Variants in PSMB7 observed in about 807,000 individuals in gnomAD.
PSMB7 encodes proteasome subunit beta type-7.
A neutral mutation model predicts 28.1 loss-of-function variants in PSMB7; 5 were observed. The ratio of observed to expected loss-of-function variants is 0.18; its 90% confidence interval spans 0.09 to 0.37. The LOEUF is 0.37. Ranked by LOEUF, PSMB7 falls within the 10% of genes least tolerant of loss-of-function variation. The pLI is 1.00. For synonymous variants in PSMB7, 122 were observed against 123.7 expected, an observed-to-expected ratio of 0.99 and a Z score of 0.09; for missense variants, 275 against 346.2, an observed-to-expected ratio of 0.79 and a Z score of 1.63.
At chr9:124,415,002 G>T in intron 1 of PSMB7, 67 bp from the exon 2 acceptor site, 2 of 1,079,592 alleles carry the variant, frequency 1.9e-6, no homozygotes, top group Non-Finnish European at 2.7e-6. Context: ...GGCATGAAAA[G>T]TGCCTAACAG....
intron 5 of PSMB7, among the ~76,000 whole-genome samples, chr9:124,396,430 C>A (rs957751498): frequency 5.9e-5 from 9 of 152,162 alleles, no homozygotes; most frequent in Non-Finnish European, 1.2e-4. Flanking sequence ...ATTCTTCTGC[C>A]CACAAGGTGA....
intron 7 of PSMB7, among the ~76,000 whole-genome samples, chr9:124,355,498 C>T (rs1367232594): frequency 6.6e-6 from 1 of 152,174 alleles, no homozygotes; most frequent in African/African-American, 2.4e-5. Flanking sequence ...CCATTCCCTA[C>T]CCCATCACCG....
At chr9:124,378,559 G>C (rs1019617397) in intron 6 of PSMB7, among the ~76,000 whole-genome samples, 1 of 152,132 alleles carries the variant, frequency 6.6e-6, no homozygotes, top group Non-Finnish European at 1.5e-5. Context: ...AGCAGCCCTC[G>C]CAAGATATTC....
intron 5 of PSMB7, among the ~76,000 whole-genome samples, chr9:124,393,173 C>A (rs1830807495): frequency 6.6e-6 from 1 of 152,180 alleles, no homozygotes; most frequent in Non-Finnish European, 1.5e-5. Context: ...AGGCGGGCAC[C>A]AGGGGACCAT....
chr9:124,385,270 G>C (rs2131162588), intron 5 of PSMB7, among the ~76,000 whole-genome samples: 1 of 152,352 alleles, frequency 6.6e-6, no homozygotes, highest in Admixed American at 6.5e-5. Context: ...AAGAGTAACA[G>C]CTGAATAGAC....
intron 5 of PSMB7, among the ~76,000 whole-genome samples, chr9:124,397,145 T>C (rs1271417030): frequency 2.6e-5 from 4 of 152,214 alleles, no homozygotes; most frequent in African/African-American, 9.6e-5. Flanking sequence ...TCCTTACTTG[T>C]GGTTCAAGTA....
chr9:124,413,065 C>T (rs1256992216), intron 3 of PSMB7, among the ~76,000 whole-genome samples: 1 of 143,662 alleles, frequency 7.0e-6, no homozygotes, highest in Non-Finnish European at 1.5e-5. Flanking sequence ...CCTGTAATCC[C>T]AGCACTATGT....
chr9:124,356,859 G>A lies in PSMB7; in HGVS notation c.627C>T (p.Asp209=), dbSNP rs764501542. 39 of 1,614,044 alleles carry A rather than the reference G, an allele frequency of 2.4e-5. No homozygotes were observed. In the South Asian group the frequency reaches 3.1e-4, roughly 13 times the overall value. The part of the protein sequence containing the change: ...SEAIAAGIFN[D]LGSGSNIDLC... Reference sequence around the variant, plus strand: ...GGTCAATGTTGCTTCCGGAGCCCAGGTCGTTGAAGATGCCAGCTGCGATGG... The same window carrying A: ...GGTCAATGTTGCTTCCGGAGCCCAGATCGTTGAAGATGCCAGCTGCGATGG... Residue 209 remains aspartate, a synonymous_variant, in exon 7 of 8, where the codon GAC becomes GAT. Transcript: ENST00000259457. This position sits in a 1 kb window ranked among gnomAD's most constrained non-coding sequence, Gnocchi z 4.4.
In PSMB7 at chr9:124,356,671, A is replaced by T; in HGVS notation, c.722+93T>A. 1 of 1,404,120 alleles carries T rather than the reference A, an allele frequency of 7.1e-7. No individual in the cohort carries two copies. The highest frequency in any genetic ancestry group is 9.7e-7 in the Non-Finnish European group (1 of 1,027,198). 87.0% of individuals were successfully genotyped at this position (1,404,120 alleles called of 1,614,324 possible). ...AACACTGGATGTACTTAATGTGGAA[A>T]GAACCAGGAAAACTCCATCCAGATG... On this transcript the variant is annotated intron_variant, in intron 7 of 7. Coordinates refer to ENST00000259457, the MANE Select transcript of PSMB7 (RefSeq NM_002799.4). The surrounding 1 kb of genome is among the most constrained non-coding windows in gnomAD (Gnocchi z 4.4).
chr9:124,414,574 T>G (rs1831065612), intron 2 of PSMB7, among the ~76,000 whole-genome samples: 1 of 151,096 alleles, frequency 6.6e-6, no homozygotes, highest in Admixed American at 6.6e-5. Flanking sequence ...ATACTTCAGC[T>G]TCCTAAACTA....
chr9:124,414,012 A>C lies in PSMB7; in HGVS notation c.157-7T>G. The C allele has an allele frequency of 6.3e-7, 1 of 1,592,226 alleles. No homozygotes were observed. The highest frequency in any genetic ancestry group is 8.6e-7 in the Non-Finnish European group (1 of 1,167,440). On this transcript the variant is annotated splice_region_variant and splice_polypyrimidine_tract_variant and intron_variant, in intron 2 of 7. Coordinates refer to ENST00000259457, the MANE Select transcript of PSMB7 (RefSeq NM_002799.4). Reference sequence around the variant, plus strand: ...CTCCAAGAACTATGCCATCCTATTAAAAAAAAAAGTTTTTAAACAATTTTA... The same window carrying C: ...CTCCAAGAACTATGCCATCCTATTACAAAAAAAAGTTTTTAAACAATTTTA...
At chr9:124,395,291 C>A (rs1830828005) in intron 5 of PSMB7, among the ~76,000 whole-genome samples, 1 of 151,722 alleles carries the variant, frequency 6.6e-6, no homozygotes, top group Non-Finnish European at 1.5e-5. Flanking sequence ...TCCAGACCAG[C>A]CCGAAAAACA....
At chr9:124,377,710 C>T (rs1362776294) in intron 6 of PSMB7, among the ~76,000 whole-genome samples, 5 of 152,200 alleles carry the variant, frequency 3.3e-5, no homozygotes, top group Non-Finnish European at 5.9e-5. Flanking sequence ...TCTCTAGAGG[C>T]CAACACTTGC....
intron 6 of PSMB7, among the ~76,000 whole-genome samples, chr9:124,368,772 A>G (rs1016476281): frequency 6.6e-6 from 1 of 152,258 alleles, no homozygotes; most frequent in Admixed American, 6.5e-5. Flanking sequence ...GTTATACCTG[A>G]TAAGCATTTT....
At chr9:124,393,612 A>G (rs571275386) in intron 5 of PSMB7, among the ~76,000 whole-genome samples, 1 of 152,376 alleles carries the variant, frequency 6.6e-6, no homozygotes, top group Admixed American at 6.5e-5. Context: ...TTCTAAATGT[A>G]ATATAGTCAA....
intron 4 of PSMB7, among the ~76,000 whole-genome samples, chr9:124,409,842 T>C (rs1434732027): frequency 6.6e-6 from 1 of 152,204 alleles, no homozygotes; most frequent in African/African-American, 2.4e-5. Flanking sequence ...ACTCTTTCCT[T>C]ATACCACTCT....
chr9:124,353,719 GAAA>G lies in PSMB7; in HGVS notation c.723-13_723-11del, dbSNP rs750594061. Reference sequence around the variant, plus strand: ...CCTGTACCGGCCAAGCCTAGTAAGAGAAAAACAAAAGCACAGAGTTAGGATTCT... The same window carrying G: ...CCTGTACCGGCCAAGCCTAGTAAGAGAACAAAAGCACAGAGTTAGGATTCT... On this transcript the variant is annotated splice_polypyrimidine_tract_variant and intron_variant, in intron 7 of 7. Transcript: ENST00000259457. The G allele has an allele frequency of 1.9e-6, 3 of 1,590,404 alleles. No individual in the cohort carries two copies. The African/African-American group carries it at 4.0e-5, about 21-fold the overall frequency.
chr9:124,383,681 C>T (rs1830690597), intron 6 of PSMB7: 1 of 152,166 alleles, frequency 6.6e-6, no homozygotes, highest in African/African-American at 2.4e-5. Context: ...CAGAGACACC[C>T]TCTGGTCCCT....
rs760331379 is a variant in PSMB7 at position 124,353,666 on chromosome 9, T to C, written c.766A>G (p.Thr256Ala). 2.7e-5 allele frequency: 44 copies of C among 1,613,962 alleles called. No individual in the cohort carries two copies. Among genetic ancestry groups the C allele is most frequent in the Admixed American group, 1.0e-4 (6 of 60,004 alleles). Residue 256 changes from threonine to alanine, a missense_variant, in exon 8 of 8, where the codon ACT (threonine) becomes GCT (alanine). Physicochemically the swap from Thr to Ala is moderately conservative, Grantham distance 58. Transcript: ENST00000259457. ...ATCTCCAGAGGAGTGATTTTCTCAG[T>C]GAGGACTGCAGTAGTCCCTTTCTCA... ...RCEKGTTAVL[T>A]EKITPLEIEV...
Sources: gnomAD v4.1 joint callset for allele counts (sites outside exome capture counted in the v4.1 genomes callset) on GRCh38, gnomAD v4.1.1 for gene constraint, Gnocchi (gnomAD v3.1) non-coding constraint, MANE v1.5 for transcripts, NCBI Gene and HGNC (gene_info 2026-07-23, HGNC 2026-07-21) for gene names.